Variants in KLF12 observed in about 807,000 individuals in gnomAD.
KLF12 encodes KLF transcription factor 12, also known as Krueppel-like factor 12.
In KLF12, 9 loss-of-function variants were observed where a neutral mutation model predicts 37.8. The ratio of observed to expected loss-of-function variants is 0.24; its 90% CI spans 0.14 to 0.42. The LOEUF is 0.42. Ranked by LOEUF, KLF12 falls within the 10% of genes least tolerant of loss-of-function variation. The pLI is 1.00. For synonymous variants in KLF12, 208 were observed against 202.1 expected, an observed-to-expected ratio of 1.03 and a Z score of -0.25; for missense variants, 411 against 516.0, an observed-to-expected ratio of 0.80 and a Z score of 1.97.
At chr13:73,951,629 C>T (rs1162460511) in intron 2 of KLF12, among the ~76,000 whole-genome samples, 2 of 152,174 alleles carry the variant, frequency 1.3e-5, no homozygotes, top group East Asian at 3.9e-4. Context: ...AAGGCAAAGG[C>T]AAACTGATCC....
intron 1 of KLF12, among the ~76,000 whole-genome samples, chr13:74,098,080 G>A (rs1593897581): frequency 1.3e-5 from 2 of 152,172 alleles, no homozygotes; most frequent in South Asian, 4.2e-4. Flanking sequence ...TCCATATGCT[G>A]ACCCTTCTGT....
intron 7 of KLF12, among the ~76,000 whole-genome samples, chr13:73,700,950 T>A (rs925113010): frequency 6.6e-6 from 1 of 152,118 alleles, no homozygotes; most frequent in African/African-American, 2.4e-5. Flanking sequence ...GTAAAAAAAC[T>A]AATTAGAAAG....
At chr13:73,916,660 T>C (rs1422449092) in intron 3 of KLF12, among the ~76,000 whole-genome samples, 2 of 152,228 alleles carry the variant, frequency 1.3e-5, no homozygotes, top group Non-Finnish European at 2.9e-5. Context: ...TGAGAAATGT[T>C]ATGATGAATT....
the KLF12 span, among the ~76,000 whole-genome samples, chr13:74,162,223 G>T: frequency 6.6e-6 from 1 of 152,194 alleles, no homozygotes; most frequent in Non-Finnish European, 1.5e-5. Context: ...GTTCAAGGCA[G>T]CTATTCAGCT....
chr13:74,236,882 T>G, the KLF12 span, among the ~76,000 whole-genome samples: 3 of 70,418 alleles, frequency 4.3e-5, no homozygotes, highest in African/African-American at 1.2e-4. Flanking sequence ...TTTCTCCCAT[T>G]TTGTAGGTTG....
intron 5 of KLF12, among the ~76,000 whole-genome samples, chr13:73,770,793 G>A (rs917781605): frequency 2.0e-5 from 3 of 152,060 alleles, no homozygotes; most frequent in Admixed American, 6.6e-5. Context: ...AAAGTGCTGG[G>A]ATTACAGGCG....
At chr13:74,104,077 A>T (rs1384661973) in intron 1 of KLF12, among the ~76,000 whole-genome samples, 1 of 152,242 alleles carries the variant, frequency 6.6e-6, no homozygotes, top group Non-Finnish European at 1.5e-5. Flanking sequence ...ATACACACAC[A>T]AACACACATC....
chr13:74,258,688 A>T, the KLF12 span: 1 of 152,124 alleles, frequency 6.6e-6, no homozygotes, highest in Non-Finnish European at 1.5e-5. Flanking sequence ...TATGATGGGG[A>T]TGGGCAGTTA....
intron 2 of KLF12, among the ~76,000 whole-genome samples, chr13:73,970,071 T>G (rs888040968): frequency 2.0e-5 from 3 of 152,110 alleles, no homozygotes; most frequent in African/African-American, 7.2e-5. Context: ...GTCCTTAATT[T>G]GATATATAGC....
At chr13:73,810,501 C>CTT (rs1161562610) in intron 5 of KLF12, among the ~76,000 whole-genome samples, 2 of 151,844 alleles carry the variant, frequency 1.3e-5, no homozygotes, top group East Asian at 3.9e-4. Context: ...ATCTCCTGAC[C>CTT]TTTTGATCCA....
At chr13:74,249,461 C>T in the KLF12 span, among the ~76,000 whole-genome samples, 1 of 151,630 alleles carries the variant, frequency 6.6e-6, no homozygotes, top group African/African-American at 2.4e-5. Context: ...TATGCGAGTC[C>T]AGATCATGAG....
chr13:74,062,697 G>C (rs1368780645), intron 1 of KLF12, among the ~76,000 whole-genome samples: 1 of 152,036 alleles, frequency 6.6e-6, no homozygotes, highest in Non-Finnish European at 1.5e-5. Flanking sequence ...ATCTGTCTTT[G>C]TTTTGCTTGT....
At chr13:74,171,013 C>T in the KLF12 span, among the ~76,000 whole-genome samples, 1 of 152,176 alleles carries the variant, frequency 6.6e-6, no homozygotes, top group Non-Finnish European at 1.5e-5. Flanking sequence ...GATCTTCCTG[C>T]CTCTGCCTCC....
intron 3 of KLF12, among the ~76,000 whole-genome samples, chr13:73,938,434 G>A (rs1229448245): frequency 6.6e-6 from 1 of 152,082 alleles, no homozygotes; most frequent in Non-Finnish European, 1.5e-5. Flanking sequence ...TAAGCCTAAC[G>A]ACTGGAGTCT....
chr13:73,825,004 G>A (rs557572668), intron 4 of KLF12, among the ~76,000 whole-genome samples: 20 of 152,120 alleles, frequency 1.3e-4, no homozygotes, highest in African/African-American at 4.8e-4. Flanking sequence ...AGGAGGCGGA[G>A]GTTGCAGTGC....
chr13:73,964,202 G>T (rs1410735214), intron 2 of KLF12, among the ~76,000 whole-genome samples: 1 of 152,014 alleles, frequency 6.6e-6, no homozygotes, highest in East Asian at 1.9e-4. Flanking sequence ...GAAAACCCAG[G>T]TACCCTGTAC....
intron 6 of KLF12, among the ~76,000 whole-genome samples, chr13:73,722,880 T>C (rs1337037528): frequency 1.3e-5 from 2 of 152,208 alleles, no homozygotes; most frequent in African/African-American, 4.8e-5. Context: ...AGATAATGGT[T>C]TACAAATGAG....
the KLF12 span, among the ~76,000 whole-genome samples, chr13:74,145,375 G>A: frequency 2.6e-5 from 4 of 152,124 alleles, no homozygotes; most frequent in Non-Finnish European, 5.9e-5. Flanking sequence ...TTTGCTATTA[G>A]CATGCCTCTT....
intron 1 of KLF12, among the ~76,000 whole-genome samples, chr13:74,022,256 T>C (rs1892859855): frequency 6.6e-6 from 1 of 152,054 alleles, no homozygotes; most frequent in South Asian, 2.1e-4. Flanking sequence ...GATGGAGAAA[T>C]AGGAGCTTCT....
Sources: gnomAD v4.1 joint callset for allele counts (sites outside exome capture counted in the v4.1 genomes callset) on GRCh38, gnomAD v4.1.1 for gene constraint, MANE v1.5 for transcripts, NCBI Gene and HGNC (gene_info 2026-07-23, HGNC 2026-07-21) for gene names.